The following JAK2 variants were observed in gnomAD, a reference collection of about 807,000 sequenced individuals.
JAK2 encodes the protein Janus kinase 2.
A neutral mutation model predicts 139.3 loss-of-function variants in JAK2; 86 were observed. That is an observed-to-expected ratio of 0.62 (90% CI 0.52 to 0.74). The LOEUF (loss-of-function observed/expected upper bound fraction) is 0.74. Ranked by LOEUF, JAK2 falls within the 30% of genes least tolerant of loss-of-function variation. The pLI is 0.00. For missense variants in JAK2, 1,421 were observed against 1,360.3 expected (o/e 1.04, Z -0.70); for synonymous variants, 490 against 437.7 (o/e 1.12, Z -1.49).
Position 5,022,152 on chromosome 9 carries a change from G to A in JAK2, c.165G>A (p.Leu55=), listed in dbSNP as rs1379385626. 4 of 1,614,028 alleles carry A rather than the reference G, an allele frequency of 2.5e-6. No homozygotes were observed. Among genetic ancestry groups the A allele is most frequent in the Non-Finnish European group, 2.5e-6 (3 of 1,180,006 alleles). Residue 55 remains leucine (L), a synonymous_variant, in exon 3 of 25, where the codon CTG becomes CTA. Coordinates refer to ENST00000381652, the MANE Select transcript of JAK2 (RefSeq NM_004972.4). ...HSLGKSEADY[L]TFPSGEYVAE... is the part of the protein sequence containing the mutation. ...TTGGGAAATCTGAGGCAGATTATCT[G>A]ACCTTTCCATCTGGGGAGTATGTTG...
chr9:5,003,675 C>T (rs1821077063), intron 2 of JAK2, among the ~76,000 whole-genome samples: 1 of 152,014 alleles, frequency 6.6e-6, no homozygotes, highest in African/African-American at 2.4e-5. Flanking sequence ...CTTATCCTTT[C>T]TAATCATCAT....
intron 3 of JAK2, among the ~76,000 whole-genome samples, chr9:5,023,889 G>C (rs559701955): frequency 1.3e-5 from 2 of 149,636 alleles, no homozygotes; most frequent in South Asian, 4.2e-4. Flanking sequence ...ATTTTAGCTT[G>C]TAAGATTTTT....
At chr9:5,043,688 C>G (rs59668095) in intron 4 of JAK2, among the ~76,000 whole-genome samples, 35,687 of 152,072 alleles carry the variant, frequency 0.23, 4,590 homozygotes, top group South Asian at 0.31. Context: ...ATAATAGAAA[C>G]AAACCCAAAT....
Position 5,054,017 on chromosome 9 carries a change from G to C in JAK2, c.615-546G>C, listed in dbSNP as rs1388373565. On this transcript the variant is annotated intron_variant, in intron 6 of 24. Coordinates refer to ENST00000381652, the MANE Select transcript of JAK2 (RefSeq NM_004972.4). This position sits in a 1 kb window ranked among gnomAD's most constrained non-coding sequence, Gnocchi z 4.9. ...TAGAGATGAATGTACAGAAAAGTCA[G>C]AATATTTCTAAATGGAATTGTTTTG... 6.6e-6 allele frequency among the ~76,000 whole-genome samples: 1 copy of C among 152,038 alleles called. No individual in the cohort carries two copies.
intron 8 of JAK2, among the ~76,000 whole-genome samples, chr9:5,056,999 ATAT>A: frequency 6.6e-6 from 1 of 152,352 alleles, no homozygotes; most frequent in East Asian, 1.9e-4. Flanking sequence ...CTCCTTAAAA[ATAT>A]TATACTGACA....
intron 2 of JAK2, among the ~76,000 whole-genome samples, chr9:5,003,346 A>G (rs1198331705): frequency 6.6e-6 from 1 of 151,978 alleles, no homozygotes; most frequent in African/African-American, 2.4e-5. Flanking sequence ...CTGTATTCTT[A>G]TATCAGCATG....
intron 2 of JAK2, among the ~76,000 whole-genome samples, chr9:4,995,282 C>T (rs997203270): frequency 6.6e-6 from 1 of 152,116 alleles, no homozygotes; most frequent in Non-Finnish European, 1.5e-5. Flanking sequence ...TTTGAGTTTG[C>T]GAAATGAGTT....
intron 22 of JAK2, chr9:5,099,828 A>G (rs1007929130): frequency 3.9e-5 from 6 of 152,178 alleles, no homozygotes; most frequent in African/African-American, 1.4e-4. Context: ...TACCCCATTC[A>G]TTTACACCAA....
chr9:5,123,182 A>T (rs1428287861), intron 23 of JAK2, 61 bp downstream of exon 23: 2 of 1,175,760 alleles, frequency 1.7e-6, no homozygotes, highest in East Asian at 4.7e-5. Flanking sequence ...TTATAAATTT[A>T]TGGGGTACAA....
chr9:5,053,598 G>T (rs1377455027), intron 6 of JAK2, among the ~76,000 whole-genome samples: 1 of 151,992 alleles, frequency 6.6e-6, no homozygotes, highest in Non-Finnish European at 1.5e-5. Flanking sequence ...TGAAATAATG[G>T]AACAGAAGCC....
chr9:5,068,075 G>A (rs531370837), intron 10 of JAK2, among the ~76,000 whole-genome samples: 445 of 151,890 alleles, frequency 2.9e-3, no homozygotes, highest in African/African-American at 0.01. Flanking sequence ...TAGGAGAAGC[G>A]CTTGAACCCG....
At chr9:5,072,670 A>C in intron 13 of JAK2, 44 bp downstream of exon 13, 1 of 1,468,078 alleles carries the variant, frequency 6.8e-7, no homozygotes, top group Non-Finnish European at 9.2e-7. Flanking sequence ...ATGCTGTTTA[A>C]AGATGTGCTC....
intron 8 of JAK2, among the ~76,000 whole-genome samples, chr9:5,061,996 G>A (rs1456344845): frequency 6.6e-6 from 1 of 152,148 alleles, no homozygotes; most frequent in Non-Finnish European, 1.5e-5. Flanking sequence ...GCTATTCGGT[G>A]GAGCAGTCAG....
At chr9:5,030,102 C>G (rs1823046746) in intron 4 of JAK2, among the ~76,000 whole-genome samples, 196 bp downstream of exon 4, 1 of 152,106 alleles carries the variant, frequency 6.6e-6, no homozygotes, top group Admixed American at 6.5e-5. Flanking sequence ...AAGTAGAATA[C>G]TCTGAGAATA....
At chr9:5,116,525 T>G (rs1823187704) in intron 22 of JAK2, among the ~76,000 whole-genome samples, 1 of 152,212 alleles carries the variant, frequency 6.6e-6, no homozygotes, top group African/African-American at 2.4e-5. Context: ...TTTAATTGTT[T>G]TTATTGTTTT....
At chr9:5,034,923 C>T (rs1402973574) in intron 4 of JAK2, among the ~76,000 whole-genome samples, 5 of 152,160 alleles carry the variant, frequency 3.3e-5, no homozygotes, top group African/African-American at 1.2e-4. Flanking sequence ...ACAAAAAACC[C>T]TTCAAAAAAA....
chr9:5,038,204 G>A (rs1816208892), intron 4 of JAK2, among the ~76,000 whole-genome samples: 1 of 152,068 alleles, frequency 6.6e-6, no homozygotes, highest in African/African-American at 2.4e-5. Context: ...AAGATGAAAT[G>A]GACAAATTCC....
chr9:5,071,952 T>C (rs932959461), intron 12 of JAK2, among the ~76,000 whole-genome samples: 2 of 152,342 alleles, frequency 1.3e-5, no homozygotes, highest in African/African-American at 4.8e-5. Context: ...CTATGTGTCA[T>C]GGACTGTGCT....
chr9:5,083,370 C>T (rs562634173), intron 19 of JAK2, among the ~76,000 whole-genome samples: 3 of 152,250 alleles, frequency 2.0e-5, no homozygotes, highest in African/African-American at 4.8e-5. Context: ...AGCTCTTTCT[C>T]GCATAAGCTT....
Sources: allele counts gnomAD v4.1 joint callset (sites outside exome capture counted in the v4.1 genomes callset), GRCh38; gene constraint gnomAD v4.1.1; non-coding constraint Gnocchi (gnomAD v3.1); transcripts MANE v1.5; gene names NCBI Gene and HGNC (gene_info 2026-07-23, HGNC 2026-07-21).